The following MTMR7 variants were observed in gnomAD, a reference collection of about 807,000 sequenced individuals.
MTMR7 encodes the protein myotubularin related protein 7, also known as phosphatidylinositol-3-phosphate phosphatase MTMR7.
MTMR7 carries 76 observed loss-of-function variants against 81.2 expected under a neutral mutation model. That is an observed-to-expected ratio of 0.94 (90% CI 0.78 to 1.13). MTMR7 has a LOEUF of 1.13. Ranked by LOEUF, MTMR7 falls within the 50% of genes most tolerant of loss-of-function variation. The probability of loss-of-function intolerance (pLI) is 0.00; values close to 1 mark genes in which losing one functional copy is unlikely to be tolerated. For synonymous variants in MTMR7, 372 were observed against 289.8 expected, an observed-to-expected ratio of 1.28 and a Z score of -2.88; for missense variants, 1,044 against 820.0, an observed-to-expected ratio of 1.27 and a Z score of -3.34.
chr8:17,324,287 C>T (rs1818557056), intron 7 of MTMR7, among the ~76,000 whole-genome samples: 1 of 152,200 alleles, frequency 6.6e-6, no homozygotes, highest in Non-Finnish European at 1.5e-5. Context: ...CGATAAATGT[C>T]CCGGCTCCTG....
At chr8:17,400,612 C>G (rs1284547155) in intron 1 of MTMR7, among the ~76,000 whole-genome samples, 1 of 152,082 alleles carries the variant, frequency 6.6e-6, no homozygotes, top group African/African-American at 2.4e-5. Context: ...TTGATTTTAT[C>G]AAAAGAACAA....
chr8:17,307,017 G>C (rs1463190005), intron 10 of MTMR7, among the ~76,000 whole-genome samples: 1 of 152,122 alleles, frequency 6.6e-6, no homozygotes, highest in Admixed American at 6.6e-5. Flanking sequence ...AGCAATGGCA[G>C]CAAAAGACAA....
intron 6 of MTMR7, 58 bp from the exon 7 acceptor site, chr8:17,331,340 A>G: frequency 6.6e-7 from 1 of 1,505,928 alleles, no homozygotes; most frequent in Non-Finnish European, 8.9e-7. Context: ...CAATGATGAA[A>G]CAACCAAAAC....
At chr8:17,380,951 G>A (rs1218042850) in intron 1 of MTMR7, among the ~76,000 whole-genome samples, 1 of 152,034 alleles carries the variant, frequency 6.6e-6, no homozygotes, top group Admixed American at 6.6e-5. Context: ...ATGGATACAA[G>A]AGCCCAAAGA....
chr8:17,355,667 T>G (rs2150552988), intron 4 of MTMR7, among the ~76,000 whole-genome samples: 1 of 152,100 alleles, frequency 6.6e-6, no homozygotes, highest in African/African-American at 2.4e-5. Context: ...TATCAGAATC[T>G]CCTGAGACAA....
intron 7 of MTMR7, among the ~76,000 whole-genome samples, chr8:17,315,652 A>G (rs1393847733): frequency 6.6e-6 from 1 of 152,194 alleles, no homozygotes; most frequent in Non-Finnish European, 1.5e-5. Flanking sequence ...CTTTAAAAAC[A>G]TGATAATGTA....
intron 6 of MTMR7, among the ~76,000 whole-genome samples, chr8:17,334,982 C>A (rs1363295088): frequency 6.6e-6 from 1 of 152,180 alleles, no homozygotes; most frequent in Non-Finnish European, 1.5e-5. Context: ...GTGGCAGCTA[C>A]AGCAAGAGGG....
At position 17,361,198 on chromosome 8, in the gene MTMR7, C is replaced by G. The variant is rs1437351476; in HGVS notation, c.387G>C (p.Leu129=). ...GCGTGTATTCTTCACTAAGATCGAT[C>G]AGCACCCAGCCTTGCTCTCTTTCTT... The part of the protein sequence containing the change: ...DKEEREQGWV[L]IDLSEEYTRM... Residue 129 remains leucine, a synonymous_variant, in exon 4 of 14, where the codon CTG becomes CTC. Coordinates refer to ENST00000180173, the MANE Select transcript of MTMR7 (RefSeq NM_004686.5). 4 of 1,614,086 alleles carry G rather than the reference C, an allele frequency of 2.5e-6. No homozygotes were observed. Among genetic ancestry groups the G allele is most frequent in the Non-Finnish European group, 8.5e-7 (1 of 1,180,030 alleles).
chr8:17,345,401 G>A (rs552526392), intron 5 of MTMR7, among the ~76,000 whole-genome samples: 46 of 152,310 alleles, frequency 3.0e-4, no homozygotes, highest in Non-Finnish European at 6.2e-4. Flanking sequence ...CCACGCTCCT[G>A]ATACTACACA....
chr8:17,320,391 G>T (rs73210275), intron 7 of MTMR7, among the ~76,000 whole-genome samples: 17,034 of 152,098 alleles, frequency 0.11, 1,605 homozygotes, highest in South Asian at 0.43. Context: ...GACGGAGGGT[G>T]TGGTAAAGGG....
At chr8:17,405,402 T>G (rs935541207) in intron 1 of MTMR7, among the ~76,000 whole-genome samples, 1 of 152,014 alleles carries the variant, frequency 6.6e-6, no homozygotes, top group Non-Finnish European at 1.5e-5. Context: ...CCCTCCCAAG[T>G]CTAAGGGGCA....
In MTMR7 at chr8:17,374,958, C is replaced by T. The variant is rs774350312; in HGVS notation, c.25-1718G>A. On this transcript the variant is annotated intron_variant, in intron 1 of 13. Transcript: ENST00000180173. ...ACAAAAATTAGCCAGGCGTGGTGCC[C>T]GGCACCTATAATCCCATCCACTCGG... Among the ~76,000 whole-genome samples the T allele has an allele frequency of 4.0e-5, 6 of 151,326 alleles. No individual in the cohort carries two copies. The South Asian group carries it at 1.0e-3, about 26-fold the overall frequency.
intron 4 of MTMR7, among the ~76,000 whole-genome samples, chr8:17,358,663 G>A (rs1322345020): frequency 6.6e-6 from 1 of 152,124 alleles, no homozygotes; most frequent in Non-Finnish European, 1.5e-5. Context: ...TATAGGCCAT[G>A]TGCACTGAAT....
rs1423043789 is a variant in MTMR7, at chr8:17,391,756, G to A, written c.25-18516C>T. ...CTTGGCAATAAATTTATTTCTCCGG[G>A]AATCTATGATAAGCAGTGTTTTAAT... On this transcript the variant is annotated intron_variant, in intron 1 of 13. Coordinates refer to ENST00000180173, the MANE Select transcript of MTMR7 (RefSeq NM_004686.5). Among the ~76,000 whole-genome samples the A allele has an allele frequency of 8.5e-5, 13 of 152,280 alleles. No individual in the cohort carries two copies. In the South Asian group the frequency reaches 2.7e-3, roughly 32 times the overall value.
At chr8:17,376,067 C>A (rs757906957) in intron 1 of MTMR7, among the ~76,000 whole-genome samples, 10 of 152,214 alleles carry the variant, frequency 6.6e-5, no homozygotes, top group Non-Finnish European at 1.3e-4. Context: ...CACTACCAGT[C>A]ACATCCCAGT....
intron 7 of MTMR7, among the ~76,000 whole-genome samples, chr8:17,328,563 T>A (rs1346027213): frequency 6.6e-6 from 1 of 151,870 alleles, no homozygotes; most frequent in South Asian, 2.1e-4. Flanking sequence ...TTGGGGCCTG[T>A]TGGCGGGGGT....
At chr8:17,388,410 T>C (rs1821010061) in intron 1 of MTMR7, among the ~76,000 whole-genome samples, 1 of 152,118 alleles carries the variant, frequency 6.6e-6, no homozygotes, top group Non-Finnish European at 1.5e-5. Context: ...TCCCAAAGAG[T>C]AAATGTATGG....
intron 3 of MTMR7, among the ~76,000 whole-genome samples, chr8:17,368,658 A>G (rs1490438405): frequency 6.6e-6 from 1 of 152,160 alleles, no homozygotes. Flanking sequence ...TACAGCCTAT[A>G]ATATGCCCTA....
intron 7 of MTMR7, among the ~76,000 whole-genome samples, chr8:17,326,697 C>A (rs1818699898): frequency 6.6e-6 from 1 of 152,196 alleles, no homozygotes; most frequent in Admixed American, 6.5e-5. Flanking sequence ...GGGCCCTCAG[C>A]TGAATTCTGC....
Sources: allele counts gnomAD v4.1 joint callset (sites outside exome capture counted in the v4.1 genomes callset), GRCh38; gene constraint gnomAD v4.1.1; transcripts MANE v1.5; gene names NCBI Gene and HGNC (gene_info 2026-07-23, HGNC 2026-07-21).